MMP28: variants seen among roughly 807,000 people sequenced by gnomAD.
MMP28 encodes matrix metallopeptidase 28, also known as matrix metalloproteinase-28.
MMP28 carries 55 observed loss-of-function variants against 60.5 expected under a neutral mutation model. The ratio of observed to expected loss-of-function variants is 0.91; its 90% CI spans 0.73 to 1.14. MMP28 has a LOEUF of 1.14. Among genes scored for constraint, MMP28 ranks in the 50% most tolerant of loss-of-function variants. The pLI, the probability that MMP28 is intolerant of heterozygous loss-of-function variation, is 0.00. For missense variants in MMP28, 686 were observed against 738.3 expected, an observed-to-expected ratio of 0.93 and a Z score of 0.82; for synonymous variants, 318 against 312.5, an observed-to-expected ratio of 1.02 and a Z score of -0.18.
intron 1 of MMP28, among the ~76,000 whole-genome samples, chr17:35,790,002 T>G (rs2086764229): frequency 6.7e-6 from 1 of 149,882 alleles, no homozygotes; most frequent in African/African-American, 2.5e-5. Context: ...TCTCAGGTGA[T>G]CCACCTGCCT....
downstream of MMP28, chr17:35,764,818 T>G (rs1365770702): frequency 2.9e-5 from 16 of 558,862 alleles, no homozygotes; most frequent in Admixed American, 6.0e-4. Context: ...GCGCCCCCAG[T>G]GCAGAGCCCA....
chr17:35,756,389 AATGCCG>A, exon 3 of MMP28: 2 of 985,138 alleles, frequency 2.0e-6, no homozygotes, highest in Non-Finnish European at 2.4e-6. Context: ...TTACATAGTC[AATGCCG>A]ATCTCCCAGA....
At chr17:35,764,466 C>T, downstream of MMP28, 1 of 1,559,964 alleles carries the variant, frequency 6.4e-7, no homozygotes, top group African/African-American at 1.4e-5. Flanking sequence ...GCTGGAGATC[C>T]GGCGACGACC....
intron 4 of MMP28, among the ~76,000 whole-genome samples, chr17:35,772,730 C>G (rs1555606163): frequency 6.6e-6 from 1 of 152,142 alleles, no homozygotes; most frequent in African/African-American, 2.4e-5. Context: ...GAAGCACTTC[C>G]CTGTCAGGGC....
At chr17:35,761,490 T>G (rs2143078366), downstream of MMP28, among the ~76,000 whole-genome samples, 1 of 152,046 alleles carries the variant, frequency 6.6e-6, no homozygotes, top group East Asian at 1.9e-4. Flanking sequence ...CACAGCTCAC[T>G]GCAGTCTCAA....
At chr17:35,759,011 G>A (rs587670415) in intron 2 of MMP28, among the ~76,000 whole-genome samples, 11 of 152,372 alleles carry the variant, frequency 7.2e-5, no homozygotes, top group African/African-American at 2.6e-4. Flanking sequence ...GTCTCAGTGA[G>A]ATTGCTCATG....
Position 35,766,745 on chromosome 17 carries a change from C to T in MMP28, c.1318G>A (p.Val440Met), listed in dbSNP as rs769891235. ...ACTTGCAGTCCCCCTCGGGCCAGCA[C>T]GTAGTAGCGGGCACCCTTGAAGAGG... is the stretch of plus-strand genomic sequence containing the variant. Reference protein sequence around the residue: ...LILFKGARYYVLARGGLQVEP... With the variant: ...LILFKGARYYMLARGGLQVEP... The change falls in exon 8 of 8, where the codon GTG (valine) becomes ATG (methionine). Residue 440 changes from valine to methionine, a missense_variant. Coordinates refer to ENST00000605424, the MANE Select transcript of MMP28 (RefSeq NM_024302.5). This position sits in a 1 kb window ranked among gnomAD's most constrained non-coding sequence, Gnocchi z 4.3. 16 of 1,587,460 alleles carry T rather than the reference C, an allele frequency of 1.0e-5. No homozygotes were observed. Among genetic ancestry groups the T allele is most frequent in the East Asian group, 2.3e-5 (1 of 43,476 alleles).
chr17:35,764,213 C>A (rs1555602181), downstream of MMP28: 3 of 1,547,304 alleles, frequency 1.9e-6, no homozygotes, highest in South Asian at 3.6e-5. Flanking sequence ...CTGCCCGCTG[C>A]GCCAGGAGTC....
At chr17:35,783,652 G>T (rs1368250386) in intron 1 of MMP28, among the ~76,000 whole-genome samples, 1 of 152,164 alleles carries the variant, frequency 6.6e-6, no homozygotes, top group East Asian at 1.9e-4. Flanking sequence ...GTTGGCTCCG[G>T]TTCTGGAACT....
At chr17:35,771,926 C>T (rs2086169392) in intron 4 of MMP28, among the ~76,000 whole-genome samples, 1 of 150,920 alleles carries the variant, frequency 6.6e-6, no homozygotes, top group Non-Finnish European at 1.5e-5. Flanking sequence ...CTAACAATTC[C>T]CCTTCCACAG....
At chr17:35,782,070 G>A (rs1248716683) in intron 1 of MMP28, among the ~76,000 whole-genome samples, 9 of 52,182 alleles carry the variant, frequency 1.7e-4, no homozygotes, top group Non-Finnish European at 3.3e-4. Context: ...TTTTTTTTTT[G>A]AGACAGAGTC....
At position 35,766,539 on chromosome 17, in the gene MMP28, C is replaced by T; in HGVS notation, c.1524G>A (p.Met508Ile). 1 of 1,604,450 alleles carries T rather than the reference C, an allele frequency of 6.2e-7. No homozygotes were observed. Among genetic ancestry groups the T allele is most frequent in the Non-Finnish European group, 8.5e-7 (1 of 1,175,148 alleles). ...TCCCCGAGTTGGCATGCCAGCAGCC[C>T]ATCCAGGGCAGCTCGGTGGCCCAGC... ...SGRWATELPW[M>I]GCWHANSGSA... The change falls in exon 8 of 8, where the codon ATG (methionine) becomes ATA (isoleucine). Residue 508 changes from methionine (M) to isoleucine (I), a missense_variant. Transcript: ENST00000605424. The surrounding 1 kb of genome is among the most constrained non-coding windows in gnomAD (Gnocchi z 4.3).
intron 1 of MMP28, among the ~76,000 whole-genome samples, chr17:35,785,737 G>A (rs1312437240): frequency 6.6e-6 from 1 of 151,796 alleles, no homozygotes; most frequent in African/African-American, 2.4e-5. Flanking sequence ...TTGAGCCACC[G>A]CGCCCAGCCA....
At chr17:35,775,318 C>T (rs1017175624) in intron 3 of MMP28, among the ~76,000 whole-genome samples, 1 of 152,188 alleles carries the variant, frequency 6.6e-6, no homozygotes, top group Non-Finnish European at 1.5e-5. Flanking sequence ...AGATTTGCTC[C>T]CATGGAGAAA....
intron 1 of MMP28, among the ~76,000 whole-genome samples, chr17:35,781,721 C>T (rs1026298667): frequency 6.6e-6 from 1 of 152,182 alleles, no homozygotes; most frequent in African/African-American, 2.4e-5. Flanking sequence ...CATAATTCTT[C>T]TACAAGGAGA....
downstream of MMP28, among the ~76,000 whole-genome samples, chr17:35,765,259 C>T (rs1317315281): frequency 2.0e-5 from 3 of 152,218 alleles, no homozygotes; most frequent in Non-Finnish European, 4.4e-5. Context: ...CGGGCAGGGC[C>T]AACAATGGCC....
chr17:35,784,789 G>C (rs1555610130), intron 1 of MMP28, among the ~76,000 whole-genome samples: 1 of 152,164 alleles, frequency 6.6e-6, no homozygotes, highest in African/African-American at 2.4e-5. Flanking sequence ...AGGACTCTCT[G>C]AGTTCTACCT....
chr17:35,792,371 C>T (rs940912187), intron 1 of MMP28, among the ~76,000 whole-genome samples: 2 of 152,178 alleles, frequency 1.3e-5, no homozygotes, highest in African/African-American at 4.8e-5. Flanking sequence ...CTAGCCCACA[C>T]GGACAGACCA....
At chr17:35,773,494 C>T in intron 3 of MMP28, 90 bp from the exon 4 acceptor site, 1 of 1,166,466 alleles carries the variant, frequency 8.6e-7, no homozygotes, top group South Asian at 1.5e-5. Context: ...GGGGTAGGCC[C>T]TCCCCCAGCA....
Sources: allele counts gnomAD v4.1 joint callset (sites outside exome capture counted in the v4.1 genomes callset), GRCh38; gene constraint gnomAD v4.1.1; non-coding constraint Gnocchi (gnomAD v3.1); transcripts MANE v1.5; gene names NCBI Gene and HGNC (gene_info 2026-07-23, HGNC 2026-07-21).